PAK5: variants seen among roughly 807,000 people sequenced by gnomAD.
PAK5 encodes serine/threonine-protein kinase PAK 5.
PAK5 carries 16 observed loss-of-function variants against 65.9 expected under a neutral mutation model. The observed-to-expected ratio is 0.24, with a 90% CI of 0.16 to 0.37. The LOEUF is 0.37. PAK5 is among the 10% of genes least tolerant of loss of function. The pLI is 1.00. For missense variants in PAK5, 785 were observed against 903.9 expected, an observed-to-expected ratio of 0.87 and a Z score of 1.69; for synonymous variants, 371 against 354.9, an observed-to-expected ratio of 1.05 and a Z score of -0.51.
intron 2 of PAK5, among the ~76,000 whole-genome samples, chr20:9,656,042 A>G (rs1600204815): frequency 6.6e-6 from 1 of 152,136 alleles, no homozygotes; most frequent in African/African-American, 2.4e-5. Context: ...GGATTTCAAT[A>G]TATGAACTTG....
chr20:9,605,519 A>G (rs6056746), intron 3 of PAK5, among the ~76,000 whole-genome samples: 16,261 of 152,266 alleles, frequency 0.11, 1,051 homozygotes, highest in East Asian at 0.29. Flanking sequence ...AAAAACAGAC[A>G]TAATGATATA....
chr20:9,560,965 C>T (rs1156819857), intron 6 of PAK5, among the ~76,000 whole-genome samples: 2 of 152,202 alleles, frequency 1.3e-5, no homozygotes, highest in African/African-American at 2.4e-5. Flanking sequence ...TTCTAACAAG[C>T]TCCCAGGTCC....
chr20:9,540,211 G>A (rs1016564326), intron 9 of PAK5, among the ~76,000 whole-genome samples: 1 of 152,154 alleles, frequency 6.6e-6, no homozygotes, highest in African/African-American at 2.4e-5. Flanking sequence ...TGAGTAGCTG[G>A]GAGTACAAGC....
chr20:9,625,600 C>T (rs755002711), intron 3 of PAK5, among the ~76,000 whole-genome samples: 5 of 152,052 alleles, frequency 3.3e-5, no homozygotes, highest in Non-Finnish European at 5.9e-5. Flanking sequence ...GAAGGTCTTG[C>T]TATGTTTCTC....
rs148883563 is a variant in PAK5, at chr20:9,628,288, T to C, written c.204+15837A>G. On this transcript the variant is annotated intron_variant, in intron 3 of 9. Transcript: ENST00000353224. ...GTTAAGTAACTTGCACTAGGTCATA[T>C]AGCTGGAATATGAAGAATCAAGATT... Among the ~76,000 whole-genome samples, 828 of 152,334 alleles carry C rather than the reference T, an allele frequency of 5.4e-3. 14 individuals carry two copies. The highest frequency in any genetic ancestry group is 0.019 in the African/African-American group (786 of 41,574).
chr20:9,806,629 C>G (rs1164699259), intron 1 of PAK5, among the ~76,000 whole-genome samples: 1 of 152,116 alleles, frequency 6.6e-6, no homozygotes, highest in Non-Finnish European at 1.5e-5. Flanking sequence ...TCTCTTTTCA[C>G]TAAGTCCTCT....
chr20:9,756,342 A>T (rs903640333), intron 1 of PAK5, among the ~76,000 whole-genome samples: 1 of 152,160 alleles, frequency 6.6e-6, no homozygotes, highest in Non-Finnish European at 1.5e-5. Context: ...TCTCTGATGC[A>T]TTGGGTGGAG....
intron 9 of PAK5, 66 bp from the exon 10 acceptor site, chr20:9,539,683 T>C (rs1052817248): frequency 4.7e-5 from 65 of 1,372,630 alleles, no homozygotes; most frequent in Non-Finnish European, 6.2e-5. Flanking sequence ...CCCAAAATGT[T>C]TTCCCCATTC....
At chr20:9,561,152 G>A (rs1368216626) in intron 6 of PAK5, among the ~76,000 whole-genome samples, 2 of 152,170 alleles carry the variant, frequency 1.3e-5, no homozygotes, top group African/African-American at 4.8e-5. Flanking sequence ...TGCCTCTGGA[G>A]TTACTGGGTC....
At chr20:9,762,921 T>C (rs1157323413) in intron 1 of PAK5, among the ~76,000 whole-genome samples, 1 of 152,054 alleles carries the variant, frequency 6.6e-6, no homozygotes, top group African/African-American at 2.4e-5. Flanking sequence ...CATAATGAAA[T>C]ATTTTCAGCC....
chr20:9,733,484 A>G (rs2048356075), intron 1 of PAK5, among the ~76,000 whole-genome samples: 1 of 149,882 alleles, frequency 6.7e-6, no homozygotes, highest in South Asian at 2.1e-4. Context: ...TTGCTCTGTC[A>G]CCTAGCCTGG....
intron 3 of PAK5, among the ~76,000 whole-genome samples, chr20:9,604,751 C>T (rs188776265): frequency 6.6e-6 from 1 of 152,302 alleles, no homozygotes; most frequent in Admixed American, 6.5e-5. Context: ...CCTCTTTAGA[C>T]ATTTAGAGAA....
chr20:9,824,060 T>C (rs1257008187), intron 1 of PAK5, among the ~76,000 whole-genome samples: 2 of 152,196 alleles, frequency 1.3e-5, no homozygotes, highest in African/African-American at 4.8e-5. Flanking sequence ...TGGCATATAA[T>C]ACATGTTCAA....
rs149098792 is a variant in PAK5, at chr20:9,648,227, G to C, written c.-11-3888C>G. On this transcript the variant is annotated intron_variant, in intron 2 of 9. Coordinates refer to ENST00000353224, the MANE Select transcript of PAK5 (RefSeq NM_177990.4). ...AAAACAAAATTAGCAGTGGGAAAAG[G>C]TGCATGGGGCCAAGTCCAGAGAATA... Among the ~76,000 whole-genome samples the C allele has an allele frequency of 5.3e-5, 8 of 152,256 alleles. No individual in the cohort carries two copies. The South Asian group carries it at 1.7e-3, about 32-fold the overall frequency.
chr20:9,599,039 A>C (rs1035864050), intron 3 of PAK5, among the ~76,000 whole-genome samples: 2 of 152,098 alleles, frequency 1.3e-5, no homozygotes, highest in Non-Finnish European at 2.9e-5. Context: ...CCTTCCCTCC[A>C]GCCCCTGGTA....
chr20:9,565,897 T>A lies in PAK5; in HGVS notation c.1478A>T (p.Asn493Ile). The change falls in exon 5 of 10, where the codon AAT becomes ATT. Residue 493 changes from asparagine (N) to isoleucine (I), a missense_variant. Coordinates refer to ENST00000353224, the MANE Select transcript of PAK5 (RefSeq NM_177990.4). ...RKQQRRELLF[N>I]EVVIMRDYHH... The stretch of plus-strand genomic sequence containing the variant: ...TGACCCAAACACACTCTTTACCTCA[T>A]TGAAAAGCAGTTCTCGTCTCTGTTG... The A allele has an allele frequency of 6.2e-7, 1 of 1,611,608 alleles. No individual in the cohort carries two copies. Among genetic ancestry groups the A allele is most frequent in the East Asian group, 2.2e-5 (1 of 44,854 alleles).
At chr20:9,593,304 A>T (rs2046205573) in intron 3 of PAK5, among the ~76,000 whole-genome samples, 1 of 152,006 alleles carries the variant, frequency 6.6e-6, no homozygotes, top group Non-Finnish European at 1.5e-5. Flanking sequence ...ACCCTGTATC[A>T]AAAGAAAAAA....
intron 1 of PAK5, among the ~76,000 whole-genome samples, chr20:9,734,552 G>GCACGCACACA (rs1555919100): frequency 6.7e-6 from 1 of 149,368 alleles, no homozygotes; most frequent in Non-Finnish European, 1.5e-5. Context: ...ACGCGCACAT[G>GCACGCACACA]CACACACACA....
chr20:9,615,453 A>T (rs545498535), intron 3 of PAK5, among the ~76,000 whole-genome samples: 36 of 152,296 alleles, frequency 2.4e-4, no homozygotes, highest in African/African-American at 8.7e-4. Context: ...TGTACTTTCC[A>T]CTTAATTTTG....
Sources: allele counts gnomAD v4.1 joint callset (sites outside exome capture counted in the v4.1 genomes callset), GRCh38; gene constraint gnomAD v4.1.1; transcripts MANE v1.5; gene names NCBI Gene and HGNC (gene_info 2026-07-23, HGNC 2026-07-21).